Variants in ACSM3 observed in about 807,000 individuals in gnomAD.
ACSM3 encodes the protein acyl-coenzyme A synthetase ACSM3, mitochondrial.
Under a neutral mutation model 74.1 loss-of-function variants are expected in ACSM3, and 61 were observed. The observed-to-expected ratio is 0.82, with a 90% CI of 0.67 to 1.02. The LOEUF (loss-of-function observed/expected upper bound fraction) is 1.02. ACSM3 is among the 50% of genes least tolerant of loss of function. The pLI is 0.00. For synonymous variants in ACSM3, 213 were observed against 241.5 expected (o/e 0.88, Z 1.09); for missense variants, 660 against 697.0 (o/e 0.95, Z 0.60).
At chr16:20,769,012 A>G (rs1259810126) in intron 1 of ACSM3, among the ~76,000 whole-genome samples, 4 of 152,336 alleles carry the variant, frequency 2.6e-5, no homozygotes, top group Admixed American at 2.0e-4. Flanking sequence ...GATGTCAGCT[A>G]AACTGTCCAT....
intron 1 of ACSM3, among the ~76,000 whole-genome samples, chr16:20,706,081 A>G (rs2079726560): frequency 1.1e-5 from 1 of 90,358 alleles, no homozygotes. Context: ...GAATCGTGGA[A>G]CAGTGTGTGT....
At chr16:20,753,874 A>AAG (rs59184659) in intron 2 of ACSM3, among the ~76,000 whole-genome samples, 12 of 149,938 alleles carry the variant, frequency 8.0e-5, no homozygotes, top group Non-Finnish European at 1.6e-4. Flanking sequence ...AGAGAAAGAA[A>AAG]AGAGAGAGAG....
At chr16:20,772,647 T>C (rs1207061267) in intron 2 of ACSM3, among the ~76,000 whole-genome samples, 1 of 152,184 alleles carries the variant, frequency 6.6e-6, no homozygotes, top group Non-Finnish European at 1.5e-5. Flanking sequence ...CTTGGCACCT[T>C]TGTTGAAAAT....
At chr16:20,793,083 T>A (rs2080637955) in intron 12 of ACSM3, among the ~76,000 whole-genome samples, 1 of 152,190 alleles carries the variant, frequency 6.6e-6, no homozygotes. Context: ...GTATTCAAGC[T>A]CCTTATCTCA....
chr16:20,699,768 T>G (rs1262380022), intron 1 of ACSM3, among the ~76,000 whole-genome samples: 1 of 152,106 alleles, frequency 6.6e-6, no homozygotes, highest in Non-Finnish European at 1.5e-5. Context: ...TGGGCTTGAG[T>G]CTAGCTTTTA....
At chr16:20,698,343 A>G (rs2079701720) in intron 1 of ACSM3, among the ~76,000 whole-genome samples, 1 of 152,036 alleles carries the variant, frequency 6.6e-6, no homozygotes, top group South Asian at 2.1e-4. Flanking sequence ...CTACATCACC[A>G]TAGTCTCCCT....
At chr16:20,729,706 A>G (rs966089176) in intron 1 of ACSM3, among the ~76,000 whole-genome samples, 21 of 152,110 alleles carry the variant, frequency 1.4e-4, no homozygotes, top group African/African-American at 4.8e-4. Flanking sequence ...ACTTTACAAT[A>G]AGTCGTGTCC....
intron 1 of ACSM3, among the ~76,000 whole-genome samples, chr16:20,701,592 G>A (rs537953879): frequency 6.6e-6 from 1 of 152,204 alleles, no homozygotes; most frequent in Non-Finnish European, 1.5e-5. Flanking sequence ...TGTTACACAG[G>A]TATACATGTG....
chr16:20,691,322 C>T (rs2079649759), intron 1 of ACSM3: 3 of 690,280 alleles, frequency 4.3e-6, no homozygotes, highest in Non-Finnish European at 7.0e-6. Context: ...TTAATTGCTA[C>T]AGTTATAGCT....
At chr16:20,734,063 T>C (rs2079848099) in intron 1 of ACSM3, 1 of 152,200 alleles carries the variant, frequency 6.6e-6, no homozygotes, top group Non-Finnish European at 1.5e-5. Flanking sequence ...CAGGATTTTG[T>C]AACTGGGAAA....
chr16:20,792,597 A>G lies in ACSM3; in HGVS notation c.1554+262A>G, dbSNP rs114127628. The G allele has an allele frequency of 1.5e-3, 1,471 of 985,442 alleles. 22 individuals are homozygous for G. In the African/African-American group the frequency reaches 0.024, roughly 16 times the overall value. 61.0% of individuals were successfully genotyped at this position (985,442 alleles called of 1,614,324 possible). ...ATTCCTTCCGTGGTGGACTAGGGCAAAGATGGTGTGAATGCCAGTAACCCA... is the reference window on the plus strand; with the variant it reads ...ATTCCTTCCGTGGTGGACTAGGGCAGAGATGGTGTGAATGCCAGTAACCCA... On this transcript the variant is annotated intron_variant, in intron 12 of 13. Coordinates refer to ENST00000289416, the MANE Select transcript of ACSM3 (RefSeq NM_005622.4).
chr16:20,680,077 G>A (rs763837889), intron 1 of ACSM3: 2 of 152,202 alleles, frequency 1.3e-5, no homozygotes, highest in Non-Finnish European at 2.9e-5. Context: ...GTAACATTCA[G>A]TGGTCCACAC....
intron 3 of ACSM3, 145 bp downstream of exon 3, chr16:20,776,194 G>A: frequency 2.4e-6 from 2 of 839,166 alleles, no homozygotes; most frequent in South Asian, 3.6e-5. Context: ...TTAGGCCGTG[G>A]TAGGCTAATT....
chr16:20,788,281 C>T (rs564080311), intron 9 of ACSM3, among the ~76,000 whole-genome samples: 1 of 152,064 alleles, frequency 6.6e-6, no homozygotes, highest in Non-Finnish European at 1.5e-5. Context: ...TGATATGTAA[C>T]ACAGCTATGT....
At chr16:20,689,239 T>C (rs749556644) in intron 1 of ACSM3, among the ~76,000 whole-genome samples, 22 of 151,920 alleles carry the variant, frequency 1.4e-4, no homozygotes, top group Non-Finnish European at 2.4e-4. Context: ...ATTAAATAGA[T>C]TGCTAGAACT....
chr16:20,777,858 T>C (rs1372752940), intron 4 of ACSM3, among the ~76,000 whole-genome samples: 1 of 152,194 alleles, frequency 6.6e-6, no homozygotes, highest in Non-Finnish European at 1.5e-5. Context: ...AGTAAGAATG[T>C]CGGACTGGGC....
At chr16:20,786,223 T>C (rs1307624589) in intron 9 of ACSM3, 65 bp downstream of exon 9, 2 of 1,549,128 alleles carry the variant, frequency 1.3e-6, no homozygotes, top group Non-Finnish European at 1.7e-6. Context: ...ACCTACCGCT[T>C]ACCCCCATAT....
chr16:20,725,225 A>G (rs1327125315), intron 1 of ACSM3: 1 of 155,686 alleles, frequency 6.4e-6, no homozygotes, highest in Non-Finnish European at 1.4e-5. Context: ...AGAAATAAAT[A>G]TTTGTTTTCT....
intron 1 of ACSM3, among the ~76,000 whole-genome samples, chr16:20,702,009 GC>G (rs2079714121): frequency 6.6e-6 from 1 of 152,174 alleles, no homozygotes; most frequent in Non-Finnish European, 1.5e-5. Context: ...ACATACATGT[GC>G]ATGTATCTTT....
Sources: gnomAD v4.1 joint callset for allele counts (sites outside exome capture counted in the v4.1 genomes callset) on GRCh38, gnomAD v4.1.1 for gene constraint, MANE v1.5 for transcripts, NCBI Gene and HGNC (gene_info 2026-07-23, HGNC 2026-07-21) for gene names.